The following DLGAP2 variants were observed in gnomAD, a reference collection of about 807,000 sequenced individuals.
DLGAP2 encodes disks large-associated protein 2.
Under a neutral mutation model 100.3 loss-of-function variants are expected in DLGAP2, and 26 were observed. The ratio of observed to expected loss-of-function variants is 0.26; its 90% CI spans 0.19 to 0.36. DLGAP2 has a LOEUF of 0.36. DLGAP2 is among the 10% of genes least tolerant of loss of function. DLGAP2 has a pLI of 1.00. For synonymous variants in DLGAP2, 886 were observed against 630.1 expected (o/e 1.41, Z -6.08); for missense variants, 1,858 against 1,453.2 (o/e 1.28, Z -4.53).
chr8:1,072,202 A>T (rs1303721600), intron 2 of DLGAP2, among the ~76,000 whole-genome samples: 2 of 152,114 alleles, frequency 1.3e-5, no homozygotes, highest in Non-Finnish European at 2.9e-5. Flanking sequence ...TCCCCCAGGG[A>T]CTGTGAGGGG....
At chr8:1,133,939 T>C (rs949656220) in intron 2 of DLGAP2, among the ~76,000 whole-genome samples, 2 of 152,130 alleles carry the variant, frequency 1.3e-5, no homozygotes, top group African/African-American at 2.4e-5. Flanking sequence ...AATTGTTTCC[T>C]TATCCAGATA....
intron 14 of DLGAP2, among the ~76,000 whole-genome samples, chr8:1,700,130 C>T (rs1170053578): frequency 6.6e-6 from 1 of 152,216 alleles, no homozygotes; most frequent in East Asian, 1.9e-4. Flanking sequence ...AAGCAGGCTT[C>T]TTGCCACAGG....
chr8:1,120,639 C>T (rs1280564463), intron 2 of DLGAP2, among the ~76,000 whole-genome samples: 2 of 151,028 alleles, frequency 1.3e-5, no homozygotes, highest in Middle Eastern at 3.2e-3. Context: ...CTCATTCCTT[C>T]AGAACTCATG....
chr8:1,078,222 A>G (rs1450500318), intron 2 of DLGAP2, among the ~76,000 whole-genome samples: 1 of 152,192 alleles, frequency 6.6e-6, no homozygotes, highest in Non-Finnish European at 1.5e-5. Context: ...TGGAAAGAAC[A>G]GTGGCTTGCA....
At chr8:1,694,723 G>A (rs183714377) in intron 13 of DLGAP2, among the ~76,000 whole-genome samples, 6 of 152,238 alleles carry the variant, frequency 3.9e-5, no homozygotes, top group East Asian at 1.9e-4. Context: ...ACGGGGCACC[G>A]AAGTTCCTAT....
At chr8:1,210,847 C>T (rs1029657618) in intron 2 of DLGAP2, among the ~76,000 whole-genome samples, 2 of 152,264 alleles carry the variant, frequency 1.3e-5, no homozygotes, top group South Asian at 2.1e-4. Context: ...TAAGGTCACT[C>T]CCCTGTAGTT....
intron 6 of DLGAP2, among the ~76,000 whole-genome samples, chr8:1,597,586 C>G (rs960141607): frequency 6.6e-6 from 1 of 152,064 alleles, no homozygotes. Flanking sequence ...TCCTTCACAT[C>G]CCTTGTAAGT....
intron 2 of DLGAP2, among the ~76,000 whole-genome samples, chr8:1,193,429 A>G (rs1797681346): frequency 6.6e-6 from 1 of 152,106 alleles, no homozygotes; most frequent in East Asian, 1.9e-4. Context: ...GCCAGTGATG[A>G]TGAGCATTTT....
intron 2 of DLGAP2, among the ~76,000 whole-genome samples, chr8:1,094,045 G>A (rs1173151810): frequency 6.6e-6 from 1 of 151,830 alleles, no homozygotes; most frequent in Non-Finnish European, 1.5e-5. Context: ...AGGGAGGGCA[G>A]CTCCGCGGTG....
At chr8:1,565,939 GC>G in intron 6 of DLGAP2, 45 bp downstream of exon 6, 1 of 1,502,166 alleles carries the variant, frequency 6.7e-7, no homozygotes, top group Non-Finnish European at 9.0e-7. Context: ...CTTTCCCACT[GC>G]CTGCGAGCTC....
rs1431761217 is a variant in DLGAP2 at position 1,462,425 on chromosome 8, GACTGGGT to G, written c.107-38940_107-38934del. ...TTGGGAGAAGCTGCTGCTGTCACAG[GACTGGGT>G]GCAGTCGCTGATTTGGTGGCCAGGA... On this transcript the variant is annotated intron_variant, in intron 3 of 14. Transcript: ENST00000637795. Among the ~76,000 whole-genome samples the G allele has an allele frequency of 2.0e-5, 2 of 101,880 alleles. 1 individual carries two copies. The highest frequency in any genetic ancestry group is 4.1e-5 in the Non-Finnish European group (2 of 48,658). The allele number at this position is 101,880 out of a possible 152,430, so 66.8% of individuals were successfully genotyped here.
Position 1,668,657 on chromosome 8 carries a change from C to A in DLGAP2, c.2139C>A (p.Arg713=). The change falls in exon 9 of 15, where the codon CGC becomes CGA. Residue 713 remains arginine (R), a synonymous_variant. Coordinates refer to ENST00000637795, the MANE Select transcript of DLGAP2 (RefSeq NM_001346810.2). ...AGGCGGAGGAGCTCCTCAAGAGCCG[C>A]TGCTCCTCCATCGGGATTCAGGTAG... The part of the protein sequence containing the change: ...VSKAEELLKS[R]CSSIGIQDSE... 7 of 1,570,900 alleles carry A rather than the reference C, an allele frequency of 4.5e-6. No homozygotes were observed. Among genetic ancestry groups the A allele is most frequent in the Non-Finnish European group, 5.2e-6 (6 of 1,157,434 alleles).
At chr8:1,545,028 G>A (rs1801487534) in intron 4 of DLGAP2, among the ~76,000 whole-genome samples, 1 of 152,060 alleles carries the variant, frequency 6.6e-6, no homozygotes, top group African/African-American at 2.4e-5. Context: ...ACCATACCTG[G>A]ACTATTTTTG....
intron 3 of DLGAP2, among the ~76,000 whole-genome samples, chr8:1,373,269 C>T (rs976819297): frequency 6.6e-6 from 1 of 151,940 alleles, no homozygotes; most frequent in Non-Finnish European, 1.5e-5. Flanking sequence ...CGCCGCCACG[C>T]GCGTGCGGCC....
intron 3 of DLGAP2, among the ~76,000 whole-genome samples, chr8:1,292,556 A>C (rs4875987): frequency 0.39 from 59,076 of 152,146 alleles, 12,210 homozygotes; most frequent in African/African-American, 0.51. Flanking sequence ...TAACTTCTGT[A>C]TATATGTGGT....
At chr8:1,337,029 G>A (rs550135187) in intron 3 of DLGAP2, among the ~76,000 whole-genome samples, 1 of 152,312 alleles carries the variant, frequency 6.6e-6, no homozygotes, top group Admixed American at 6.5e-5. Context: ...AATAGTCATT[G>A]GTGATCAGTA....
chr8:1,701,073 G>A (rs1308751305), intron 14 of DLGAP2, 115 bp from the exon 15 acceptor site: 2 of 914,826 alleles, frequency 2.2e-6, no homozygotes, highest in Admixed American at 2.9e-5. Flanking sequence ...TGAAGGATGC[G>A]GCCCTGGGGG....
At chr8:753,782 A>G (rs1820851644) in intron 1 of DLGAP2, 1 of 152,280 alleles carries the variant, frequency 6.6e-6, no homozygotes, top group Admixed American at 6.5e-5. Context: ...ATAATGAAAT[A>G]GATAAATACT....
At chr8:996,212 C>T (rs1004131395) in intron 2 of DLGAP2, among the ~76,000 whole-genome samples, 1 of 152,178 alleles carries the variant, frequency 6.6e-6, no homozygotes. Flanking sequence ...CCAAAGCCTT[C>T]TTTACTTATA....
Sources: gnomAD v4.1 joint callset for allele counts (sites outside exome capture counted in the v4.1 genomes callset) on GRCh38, gnomAD v4.1.1 for gene constraint, MANE v1.5 for transcripts, NCBI Gene and HGNC (gene_info 2026-07-23, HGNC 2026-07-21) for gene names.